Variants in SPRED1 observed in about 807,000 individuals in gnomAD.
SPRED1 encodes sprouty related EVH1 domain containing 1.
In SPRED1, 18 loss-of-function variants were observed where a neutral mutation model predicts 52.3. The ratio of observed to expected loss-of-function variants is 0.34; its 90% CI spans 0.24 to 0.51. SPRED1 has a LOEUF of 0.51. SPRED1 is among the 20% of genes least tolerant of loss of function. The pLI is 0.97. For synonymous variants in SPRED1, 155 were observed against 179.7 expected, an observed-to-expected ratio of 0.86 and a Z score of 1.10; for missense variants, 485 against 551.0, an observed-to-expected ratio of 0.88 and a Z score of 1.20.
chr15:38,347,046 T>C (rs1348069378), intron 5 of SPRED1, among the ~76,000 whole-genome samples: 1 of 152,196 alleles, frequency 6.6e-6, no homozygotes. Flanking sequence ...TTTCACTCTT[T>C]GTGGTGTTTT....
chr15:38,341,177 G>A (rs1194459284), intron 5 of SPRED1, among the ~76,000 whole-genome samples: 16 of 151,584 alleles, frequency 1.1e-4, no homozygotes, highest in Admixed American at 1.1e-3. Context: ...ATTTTTCGTT[G>A]CTGATACTGA....
intron 2 of SPRED1, among the ~76,000 whole-genome samples, chr15:38,312,783 C>T (rs1467053397): frequency 6.6e-6 from 1 of 151,748 alleles, no homozygotes; most frequent in Non-Finnish European, 1.5e-5. Context: ...GGGTCATAAA[C>T]CTTTATATTG....
intron 2 of SPRED1, among the ~76,000 whole-genome samples, chr15:38,301,669 AT>A (rs1342631847): frequency 6.6e-6 from 1 of 152,174 alleles, no homozygotes; most frequent in Admixed American, 6.5e-5. Flanking sequence ...TTGAAATGAG[AT>A]TAATTTGCAC....
intron 5 of SPRED1, among the ~76,000 whole-genome samples, chr15:38,345,157 C>G (rs1341255140): frequency 6.6e-6 from 1 of 152,120 alleles, no homozygotes; most frequent in East Asian, 1.9e-4. Flanking sequence ...GACCAGACAC[C>G]TTATTTTCTT....
In SPRED1 at chr15:38,356,208, G is replaced by A. The variant is rs1026598434; in HGVS notation, c.*4544G>A. 4 of 150,714 alleles carry A rather than the reference G, an allele frequency of 2.7e-5. No individual in the cohort carries two copies. The highest frequency in any genetic ancestry group is 5.9e-5 in the Non-Finnish European group (4 of 67,724). 9.3% of individuals were successfully genotyped at this position (150,714 alleles called of 1,614,324 possible). A position where few individuals can be genotyped will look rare whatever the true frequency, so the allele number is the denominator to read the frequency against. On this transcript the variant is annotated 3_prime_UTR_variant, in exon 7 of 7. Coordinates refer to ENST00000299084, the MANE Select transcript of SPRED1 (RefSeq NM_152594.3). ...CACTTGTATATTATTTCCATTAAAAGCTTGACTGCATTCTTTCTAATGAAC... is the reference window on the plus strand; with the variant it reads ...CACTTGTATATTATTTCCATTAAAAACTTGACTGCATTCTTTCTAATGAAC...
intron 1 of SPRED1, among the ~76,000 whole-genome samples, chr15:38,277,178 T>C (rs1394651186): frequency 6.6e-6 from 1 of 152,174 alleles, no homozygotes; most frequent in Non-Finnish European, 1.5e-5. Context: ...GTTATATAGG[T>C]AAATTTTATG....
chr15:38,281,806 C>CTGTAAAGT (rs1894695932), intron 1 of SPRED1, among the ~76,000 whole-genome samples: 1 of 152,002 alleles, frequency 6.6e-6, no homozygotes, highest in Non-Finnish European at 1.5e-5. Flanking sequence ...TAGAGACATG[C>CTGTAAAGT]TGTAAAGTTT....
intron 6 of SPRED1, among the ~76,000 whole-genome samples, chr15:38,350,665 A>G (rs941785971): frequency 6.6e-6 from 1 of 152,158 alleles, no homozygotes; most frequent in Non-Finnish European, 1.5e-5. Context: ...GGCTCATGCA[A>G]TAGTAGAGGT....
At chr15:38,310,153 G>GTGTGTGTGTGT (rs373463622) in intron 2 of SPRED1, among the ~76,000 whole-genome samples, 1 of 132,186 alleles carries the variant, frequency 7.6e-6, no homozygotes. Context: ...GTGTGTGTGT[G>GTGTGTGTGTGT]TTTGGAGACG....
intron 1 of SPRED1, among the ~76,000 whole-genome samples, chr15:38,270,983 G>A (rs180707538): frequency 6.6e-6 from 1 of 152,090 alleles, no homozygotes; most frequent in East Asian, 1.9e-4. Context: ...ATAGATTGTT[G>A]TTCATTTGTT....
At chr15:38,329,193 T>C (rs551195049) in intron 4 of SPRED1, among the ~76,000 whole-genome samples, 2 of 152,218 alleles carry the variant, frequency 1.3e-5, no homozygotes, top group South Asian at 2.1e-4. Context: ...GAGGAAAAGA[T>C]CTTAGATATC....
chr15:38,253,471 G>C (rs984161915), intron 1 of SPRED1, among the ~76,000 whole-genome samples: 1 of 152,080 alleles, frequency 6.6e-6, no homozygotes, highest in African/African-American at 2.4e-5. Flanking sequence ...TCTATGAGAG[G>C]GAATAATGTG....
intron 1 of SPRED1, among the ~76,000 whole-genome samples, chr15:38,272,336 T>C (rs1894454420): frequency 6.9e-6 from 1 of 145,628 alleles, no homozygotes; most frequent in African/African-American, 2.5e-5. Context: ...TGGTGCAATC[T>C]TGGCTCACTG....
intron 1 of SPRED1, among the ~76,000 whole-genome samples, chr15:38,278,625 A>G (rs958851360): frequency 6.6e-6 from 1 of 152,222 alleles, no homozygotes; most frequent in Non-Finnish European, 1.5e-5. Context: ...GCTCAAGTCC[A>G]TTATATAAAA....
chr15:38,313,264 G>A (rs1225935903), intron 2 of SPRED1, among the ~76,000 whole-genome samples: 1 of 151,846 alleles, frequency 6.6e-6, no homozygotes, highest in Non-Finnish European at 1.5e-5. Flanking sequence ...TGTTTCTTCA[G>A]TATAAGATAA....
chr15:38,300,477 A>T (rs532948767), intron 2 of SPRED1, among the ~76,000 whole-genome samples: 1 of 152,266 alleles, frequency 6.6e-6, no homozygotes, highest in African/African-American at 2.4e-5. Context: ...TCCATGCATG[A>T]ACAGTTTGAA....
chr15:38,321,283 G>C (rs1048063700), intron 2 of SPRED1, among the ~76,000 whole-genome samples: 5 of 152,062 alleles, frequency 3.3e-5, no homozygotes, highest in Non-Finnish European at 7.4e-5. Flanking sequence ...TGTTATTCTT[G>C]TTACTTTTCT....
intron 4 of SPRED1, among the ~76,000 whole-genome samples, chr15:38,328,411 C>G (rs1292817274): frequency 6.6e-6 from 1 of 152,154 alleles, no homozygotes; most frequent in East Asian, 1.9e-4. Flanking sequence ...GGACAACTTT[C>G]TGCTTTCAAC....
At chr15:38,326,749 G>A (rs1161942452) in intron 4 of SPRED1, among the ~76,000 whole-genome samples, 1 of 152,080 alleles carries the variant, frequency 6.6e-6, no homozygotes, top group Non-Finnish European at 1.5e-5. Context: ...GGGCCCTTTG[G>A]ATCCCCAAAA....
Sources: allele counts gnomAD v4.1 joint callset (sites outside exome capture counted in the v4.1 genomes callset), GRCh38; gene constraint gnomAD v4.1.1; transcripts MANE v1.5; gene names NCBI Gene and HGNC (gene_info 2026-07-23, HGNC 2026-07-21).